Variants in HSD17B12 observed in about 807,000 individuals in gnomAD.
HSD17B12 encodes very-long-chain 3-oxoacyl-CoA reductase.
Under a neutral mutation model 39.3 loss-of-function variants are expected in HSD17B12, and 32 were observed. The observed-to-expected ratio is 0.81, with a 90% CI of 0.61 to 1.09. The LOEUF (loss-of-function observed/expected upper bound fraction) is 1.09, where lower values mean the gene tolerates loss of function less well. Ranked by LOEUF, HSD17B12 falls within the 50% of genes least tolerant of loss-of-function variation. The pLI, the probability that HSD17B12 is intolerant of heterozygous loss-of-function variation, is 0.00. For missense variants in HSD17B12, 342 were observed against 382.9 expected (o/e 0.89, Z 0.89); for synonymous variants, 150 against 146.7 (o/e 1.02, Z -0.16).
intron 1 of HSD17B12, among the ~76,000 whole-genome samples, chr11:43,713,487 C>T (rs1213602697): frequency 6.6e-6 from 1 of 152,032 alleles, no homozygotes; most frequent in African/African-American, 2.4e-5. Context: ...CATAGTATTC[C>T]ATGGTGTATA....
chr11:43,574,277 G>A, the HSD17B12 span, among the ~76,000 whole-genome samples: 2 of 152,206 alleles, frequency 1.3e-5, no homozygotes, highest in East Asian at 1.9e-4. Context: ...CCCAGGCCTT[G>A]TGCCCCAAAT....
chr11:43,773,353 G>T (rs1396607338), intron 3 of HSD17B12, among the ~76,000 whole-genome samples: 3 of 152,106 alleles, frequency 2.0e-5, no homozygotes, highest in Non-Finnish European at 4.4e-5. Flanking sequence ...AAGCAGGTCT[G>T]CCTCAGCCAC....
chr11:43,851,948 T>C (rs1030811607), intron 9 of HSD17B12: 6 of 152,270 alleles, frequency 3.9e-5, no homozygotes, highest in Admixed American at 2.0e-4. Context: ...TGGCTCCTGC[T>C]GTTCCCTTAT....
chr11:43,604,778 A>G, the HSD17B12 span, among the ~76,000 whole-genome samples: 1 of 152,204 alleles, frequency 6.6e-6, no homozygotes, highest in Non-Finnish European at 1.5e-5. Context: ...TACCTCTTAA[A>G]TGTGATTTAA....
chr11:43,840,131 C>A, intron 9 of HSD17B12, 67 bp downstream of exon 9: 1 of 1,282,502 alleles, frequency 7.8e-7, no homozygotes, highest in Admixed American at 2.0e-5. Flanking sequence ...CTGTTGCTGT[C>A]TTGGCAATAA....
chr11:43,713,040 C>A (rs927688342), intron 1 of HSD17B12, among the ~76,000 whole-genome samples: 7 of 152,154 alleles, frequency 4.6e-5, no homozygotes, highest in Non-Finnish European at 8.8e-5. Context: ...CTATGTTTTA[C>A]TCATTGAAGG....
At chr11:43,565,558 T>C in the HSD17B12 span, among the ~76,000 whole-genome samples, 1 of 152,252 alleles carries the variant, frequency 6.6e-6, no homozygotes, top group African/African-American at 2.4e-5. Context: ...CTGAGAAAAA[T>C]CCATTACTTA....
At chr11:43,750,036 A>G (rs1212216714) in intron 1 of HSD17B12, among the ~76,000 whole-genome samples, 2 of 152,156 alleles carry the variant, frequency 1.3e-5, no homozygotes, top group African/African-American at 4.8e-5. Context: ...ATGGTTTCTC[A>G]TAGAATAATT....
chr11:43,734,111 G>T, intron 1 of HSD17B12: 1 of 1,235,678 alleles, frequency 8.1e-7, no homozygotes, highest in Non-Finnish European at 1.2e-6. Flanking sequence ...AGCGTGTGCT[G>T]CCGTCCATCA....
chr11:43,785,397 A>G (rs1950806685), intron 3 of HSD17B12, among the ~76,000 whole-genome samples: 1 of 152,222 alleles, frequency 6.6e-6, no homozygotes, highest in Non-Finnish European at 1.5e-5. Context: ...CATGAAAACT[A>G]TTAGTCTTAA....
intron 6 of HSD17B12, among the ~76,000 whole-genome samples, chr11:43,828,363 C>G (rs9651614): frequency 1.5e-5 from 2 of 134,536 alleles, no homozygotes; most frequent in Non-Finnish European, 3.2e-5. Flanking sequence ...GGGATGGTCT[C>G]GATCTCCTGA....
At chr11:43,675,870 C>T (rs189391302), upstream of HSD17B12, among the ~76,000 whole-genome samples, 80 of 152,204 alleles carry the variant, frequency 5.3e-4, no homozygotes, top group Non-Finnish European at 9.4e-4. Flanking sequence ...CTAGCACTTT[C>T]GGAGGCCCAG....
At chr11:43,684,078 C>T (rs182735104) in intron 1 of HSD17B12, among the ~76,000 whole-genome samples, 196 of 152,264 alleles carry the variant, frequency 1.3e-3, no homozygotes, top group African/African-American at 4.5e-3. Context: ...CTTGGCTGGC[C>T]CACACTCTAA....
the HSD17B12 span, among the ~76,000 whole-genome samples, chr11:43,649,271 T>C: frequency 6.6e-6 from 1 of 152,084 alleles, no homozygotes; most frequent in Non-Finnish European, 1.5e-5. Context: ...GAATTTGTAA[T>C]GTAATGGAGT....
chr11:43,629,217 C>T, the HSD17B12 span, among the ~76,000 whole-genome samples: 2 of 152,144 alleles, frequency 1.3e-5, no homozygotes, highest in African/African-American at 2.4e-5. Flanking sequence ...GTCTAGTTAA[C>T]GGCTGATTCT....
chr11:43,760,594 T>C (rs1170797983), intron 3 of HSD17B12, among the ~76,000 whole-genome samples: 1 of 152,188 alleles, frequency 6.6e-6, no homozygotes, highest in Admixed American at 6.5e-5. Context: ...GTAAGAAATG[T>C]CCATTTCACT....
intron 1 of HSD17B12, among the ~76,000 whole-genome samples, chr11:43,742,841 C>T (rs1950381794): frequency 1.3e-5 from 2 of 151,738 alleles, no homozygotes; most frequent in South Asian, 4.2e-4. Context: ...TAATATTTGA[C>T]TTACATGTAA....
chr11:43,676,383 T>A (rs1437472601), upstream of HSD17B12, among the ~76,000 whole-genome samples: 1 of 152,176 alleles, frequency 6.6e-6, no homozygotes, highest in Non-Finnish European at 1.5e-5. Context: ...GACAGAGACA[T>A]TTGGAAATAA....
At chr11:43,669,350 A>C in the HSD17B12 span, among the ~76,000 whole-genome samples, 2 of 151,958 alleles carry the variant, frequency 1.3e-5, no homozygotes, top group Non-Finnish European at 2.9e-5. Flanking sequence ...AAAATACAAA[A>C]ATTAGCTGGG....
Sources: allele counts gnomAD v4.1 joint callset (sites outside exome capture counted in the v4.1 genomes callset), GRCh38; gene constraint gnomAD v4.1.1; transcripts MANE v1.5; gene names NCBI Gene and HGNC (gene_info 2026-07-23, HGNC 2026-07-21).